The following NXPE2 variants were observed in gnomAD, a reference collection of about 807,000 sequenced individuals.
NXPE2 encodes the protein neurexophilin and PC-esterase domain family member 2, also known as NXPE family member 2.
In NXPE2, 34 loss-of-function variants were observed where a neutral mutation model predicts 34.4. The ratio of observed to expected loss-of-function variants is 0.99; its 90% CI spans 0.75 to 1.31. NXPE2 has a LOEUF of 1.31. Among genes scored for constraint, NXPE2 ranks in the 40% most tolerant of loss-of-function variants. NXPE2 has a pLI of 0.00. For missense variants in NXPE2, 649 were observed against 672.5 expected (o/e 0.97, Z 0.39); for synonymous variants, 235 against 231.3 (o/e 1.02, Z -0.15).
chr11:114,745,012 A>C, the NXPE2 span, among the ~76,000 whole-genome samples: 12 of 152,196 alleles, frequency 7.9e-5, no homozygotes, highest in African/African-American at 2.9e-4. Context: ...TAACTTCAGG[A>C]AGTTATTCTT....
the NXPE2 span, among the ~76,000 whole-genome samples, chr11:114,729,847 G>A: frequency 1.3e-5 from 2 of 152,128 alleles, no homozygotes; most frequent in African/African-American, 4.8e-5. Flanking sequence ...CTACCATTCT[G>A]TAGGTTATCT....
the NXPE2 span, among the ~76,000 whole-genome samples, chr11:114,597,593 G>T: frequency 1.3e-5 from 2 of 152,116 alleles, no homozygotes; most frequent in East Asian, 3.9e-4. Context: ...TAGAAGCAAT[G>T]ACACCTAGTG....
At chr11:114,524,323 T>G in the NXPE2 span, among the ~76,000 whole-genome samples, 59 of 152,332 alleles carry the variant, frequency 3.9e-4, no homozygotes, top group African/African-American at 1.0e-3. Flanking sequence ...TGGGGAACCA[T>G]CAGCAGTTTC....
chr11:114,701,228 G>A (rs1951358966), intron 3 of NXPE2, among the ~76,000 whole-genome samples: 1 of 152,136 alleles, frequency 6.6e-6, no homozygotes, highest in Non-Finnish European at 1.5e-5. Context: ...GTCTAAGGGT[G>A]GACTTAAGAT....
the NXPE2 span, among the ~76,000 whole-genome samples, chr11:114,634,119 C>T: frequency 6.6e-6 from 1 of 151,576 alleles, no homozygotes; most frequent in East Asian, 1.9e-4. Flanking sequence ...TCCTCTCCAG[C>T]ACCTGTTGTT....
At chr11:114,573,479 A>G in the NXPE2 span, among the ~76,000 whole-genome samples, 1 of 151,946 alleles carries the variant, frequency 6.6e-6, no homozygotes, top group Non-Finnish European at 1.5e-5. Context: ...CTATTTAATA[A>G]CACATAAGAA....
At chr11:114,612,204 G>A in the NXPE2 span, among the ~76,000 whole-genome samples, 1 of 151,928 alleles carries the variant, frequency 6.6e-6, no homozygotes, top group African/African-American at 2.4e-5. Context: ...GTTACACGGT[G>A]GAGAATAAGT....
chr11:114,553,192 A>C, the NXPE2 span, among the ~76,000 whole-genome samples: 1 of 152,178 alleles, frequency 6.6e-6, no homozygotes, highest in Non-Finnish European at 1.5e-5. Context: ...GTGCTCTTAT[A>C]GTCTCGTATG....
chr11:114,509,071 C>T, the NXPE2 span, among the ~76,000 whole-genome samples: 4 of 152,044 alleles, frequency 2.6e-5, no homozygotes, highest in Non-Finnish European at 5.9e-5. Flanking sequence ...AAAAAATCAA[C>T]CCCATTAAAA....
At chr11:114,631,525 G>T in the NXPE2 span, among the ~76,000 whole-genome samples, 1 of 121,892 alleles carries the variant, frequency 8.2e-6, no homozygotes, top group East Asian at 3.0e-4. Flanking sequence ...GACTGTTGTG[G>T]GGTGGGGGGA....
the NXPE2 span, among the ~76,000 whole-genome samples, chr11:114,625,265 G>A: frequency 2.6e-5 from 4 of 152,274 alleles, no homozygotes; most frequent in East Asian, 1.9e-4. Flanking sequence ...TTTCCCAGTG[G>A]GTAATACGAG....
the NXPE2 span, among the ~76,000 whole-genome samples, chr11:114,550,291 G>T: frequency 5.9e-5 from 9 of 152,096 alleles, no homozygotes; most frequent in Admixed American, 2.0e-4. Flanking sequence ...AAAGTGTTGG[G>T]TGTGGGTGGG....
At chr11:114,689,767 T>G (rs1951115910) in intron 2 of NXPE2, among the ~76,000 whole-genome samples, 1 of 152,154 alleles carries the variant, frequency 6.6e-6, no homozygotes, top group Non-Finnish European at 1.5e-5. Context: ...TTATAAACCT[T>G]GGTGCTCCAA....
the NXPE2 span, chr11:114,580,077 A>G: frequency 7.0e-7 from 1 of 1,422,688 alleles, no homozygotes; most frequent in Non-Finnish European, 9.9e-7. Context: ...TCCCCTTTGA[A>G]ATGGAAAAGA....
the NXPE2 span, among the ~76,000 whole-genome samples, chr11:114,725,976 A>AAAAAATATATAT: frequency 7.9e-5 from 8 of 101,764 alleles, no homozygotes; most frequent in African/African-American, 2.7e-4. Flanking sequence ...ATAAAAAAAA[A>AAAAAATATATAT]ATATATATAT....
chr11:114,654,483 C>A, the NXPE2 span, among the ~76,000 whole-genome samples: 3 of 152,068 alleles, frequency 2.0e-5, no homozygotes, highest in African/African-American at 7.2e-5. Flanking sequence ...CCACCCCAAC[C>A]CCCAACAGGC....
At chr11:114,646,482 G>A in the NXPE2 span, among the ~76,000 whole-genome samples, 1 of 151,984 alleles carries the variant, frequency 6.6e-6, no homozygotes, top group East Asian at 1.9e-4. Context: ...ATTTCATCAT[G>A]AGGTTAAGAT....
chr11:114,538,890 T>C, the NXPE2 span, among the ~76,000 whole-genome samples: 1 of 152,098 alleles, frequency 6.6e-6, no homozygotes, highest in Non-Finnish European at 1.5e-5. Context: ...TCCTCAGGGA[T>C]CTAGAACTAG....
chr11:114,662,853 C>A, the NXPE2 span, among the ~76,000 whole-genome samples: 1 of 152,170 alleles, frequency 6.6e-6, no homozygotes, highest in Non-Finnish European at 1.5e-5. Flanking sequence ...ACAGTTATCA[C>A]CTGCTATCTG....
Sources: allele counts gnomAD v4.1 joint callset (sites outside exome capture counted in the v4.1 genomes callset), GRCh38; gene constraint gnomAD v4.1.1; transcripts MANE v1.5; gene names NCBI Gene and HGNC (gene_info 2026-07-23, HGNC 2026-07-21).